The following KLF7 variants were observed in gnomAD, a reference collection of about 807,000 sequenced individuals.
The protein encoded by KLF7 is Krueppel-like factor 7.
A neutral mutation model predicts 27.3 loss-of-function variants in KLF7; 2 were observed. The observed-to-expected ratio is 0.07, with a 90% CI of 0.03 to 0.23. KLF7 has a LOEUF of 0.23. Among genes scored for constraint, KLF7 ranks in the 10% least tolerant of loss-of-function variants. The probability of loss-of-function intolerance (pLI) is 1.00; values close to 1 mark genes in which losing one functional copy is unlikely to be tolerated. For synonymous variants in KLF7, 165 were observed against 162.4 expected, an observed-to-expected ratio of 1.02 and a Z score of -0.12; for missense variants, 221 against 394.1, an observed-to-expected ratio of 0.56 and a Z score of 3.72.
At chr2:207,094,439 ACT>A (rs2076580368) in intron 2 of KLF7, among the ~76,000 whole-genome samples, 1 of 152,256 alleles carries the variant, frequency 6.6e-6, no homozygotes, top group African/African-American at 2.4e-5. Flanking sequence ...GAATTTGGAA[ACT>A]CTGCAGATCA....
At chr2:207,081,417 A>G (rs2287507) in intron 3 of KLF7, among the ~76,000 whole-genome samples, 153 bp from the exon 4 acceptor site, 87,678 of 152,086 alleles carry the variant, frequency 0.58, 26,196 homozygotes, top group Non-Finnish European at 0.65. Flanking sequence ...AGTTTAAGGG[A>G]CAAAATGTTT....
At chr2:207,084,133 G>A (rs7598034) in intron 3 of KLF7, among the ~76,000 whole-genome samples, 12,735 of 152,154 alleles carry the variant, frequency 0.084, 651 homozygotes, top group Non-Finnish European at 0.11. Context: ...AGGTTAGGCT[G>A]GTCAGGCCTG....
chr2:207,118,476 G>A (rs1467031793), intron 2 of KLF7, among the ~76,000 whole-genome samples: 4 of 152,112 alleles, frequency 2.6e-5, no homozygotes, highest in Non-Finnish European at 5.9e-5. Flanking sequence ...TAAACTATAC[G>A]TCTTTAATTT....
rs148474252 is a variant in KLF7, at chr2:207,159,949, C to A, written c.102+5518G>T. ...GCCAATTAGCAGGAACTAATCTGGGCAAGGTGGGGCACAGCAAAATCACAA... is the reference window on the plus strand; with the variant it reads ...GCCAATTAGCAGGAACTAATCTGGGAAAGGTGGGGCACAGCAAAATCACAA... On this transcript the variant is annotated intron_variant, in intron 1 of 3. Coordinates refer to ENST00000309446, the MANE Select transcript of KLF7 (RefSeq NM_003709.4). Among the ~76,000 whole-genome samples, 506 of 152,070 alleles carry A rather than the reference C, an allele frequency of 3.3e-3. 7 individuals are homozygous for A. In the South Asian group the frequency reaches 0.046, roughly 14 times the overall value.
intron 2 of KLF7, among the ~76,000 whole-genome samples, chr2:207,111,349 G>A (rs2077032203): frequency 1.3e-5 from 2 of 152,200 alleles, no homozygotes; most frequent in Non-Finnish European, 2.9e-5. Flanking sequence ...AGTGCGCACA[G>A]GCCACATAAG....
upstream of KLF7, among the ~76,000 whole-genome samples, chr2:207,170,328 A>G (rs2078776416): frequency 6.6e-6 from 1 of 152,214 alleles, no homozygotes; most frequent in African/African-American, 2.4e-5. Context: ...GAAGTTGCAG[A>G]AGAAAAGTTG....
rs1321242743 is a variant in KLF7 at position 207,075,221 on chromosome 2, C to T, written c.*5992G>A. On this transcript the variant is annotated 3_prime_UTR_variant, in exon 4 of 4. Coordinates refer to ENST00000309446, the MANE Select transcript of KLF7 (RefSeq NM_003709.4). ...AAAGAATTATGAAACAGACCAGTAA[C>T]AAAAATAAATTTTTTCTTCATTAAT... is the stretch of plus-strand genomic sequence containing the variant. The T allele has an allele frequency of 2.0e-5, 3 of 151,780 alleles. No homozygotes were observed. Among genetic ancestry groups the T allele is most frequent in the African/African-American group, 4.8e-5 (2 of 41,320 alleles). 9.4% of individuals were successfully genotyped at this position (151,780 alleles called of 1,614,324 possible). A position where few individuals can be genotyped will look rare whatever the true frequency, so the allele number is the denominator to read the frequency against.
chr2:207,130,533 T>C (rs1054173971), intron 1 of KLF7, among the ~76,000 whole-genome samples: 10 of 152,192 alleles, frequency 6.6e-5, no homozygotes, highest in African/African-American at 1.9e-4. Flanking sequence ...GTCTAAGTGT[T>C]TGAAGTGATG....
At chr2:207,121,414 A>G (rs2077337518) in intron 2 of KLF7, 2 of 152,176 alleles carry the variant, frequency 1.3e-5, no homozygotes, top group Admixed American at 1.3e-4. Flanking sequence ...TCTATCAGGT[A>G]TTTGTTTTAT....
chr2:207,127,229 G>A (rs527630622), intron 1 of KLF7, among the ~76,000 whole-genome samples: 1 of 152,014 alleles, frequency 6.6e-6, no homozygotes, highest in Non-Finnish European at 1.5e-5. Flanking sequence ...CCTAATACAG[G>A]GCATTTTTAC....
chr2:207,167,805 T>C (rs1323974061), upstream of KLF7, among the ~76,000 whole-genome samples: 1 of 152,186 alleles, frequency 6.6e-6, no homozygotes, highest in African/African-American at 2.4e-5. Context: ...GGGATCCGCG[T>C]TGTCTAGTTG....
intron 2 of KLF7, among the ~76,000 whole-genome samples, chr2:207,108,218 CT>C (rs1284861053): frequency 6.6e-6 from 1 of 152,196 alleles, no homozygotes; most frequent in African/African-American, 2.4e-5. Context: ...AAAACAAAAA[CT>C]TTAACATCTA....
intron 1 of KLF7, among the ~76,000 whole-genome samples, chr2:207,153,697 T>C (rs2078308183): frequency 6.6e-6 from 1 of 151,238 alleles, no homozygotes; most frequent in Admixed American, 6.6e-5. Context: ...TAGTGGAAAA[T>C]CTTTGCAGGA....
At chr2:207,139,018 T>A (rs1440273537) in intron 1 of KLF7, among the ~76,000 whole-genome samples, 2 of 152,192 alleles carry the variant, frequency 1.3e-5, no homozygotes, top group African/African-American at 4.8e-5. Context: ...AACAACTATG[T>A]GAATGAGAGG....
chr2:207,166,138 C>T, upstream of KLF7: 1 of 984,682 alleles, frequency 1.0e-6, no homozygotes, highest in Middle Eastern at 5.2e-4. Flanking sequence ...CCGTTCGGTT[C>T]TCCGCGCAGC....
chr2:207,085,116 C>T (rs1049632882), intron 3 of KLF7, among the ~76,000 whole-genome samples: 6 of 135,630 alleles, frequency 4.4e-5, no homozygotes, highest in Non-Finnish European at 9.2e-5. Context: ...GAGCCGAGAT[C>T]GCACCACTGC....
chr2:207,149,220 A>G, intron 1 of KLF7: 3 of 1,214,482 alleles, frequency 2.5e-6, no homozygotes, highest in Non-Finnish European at 3.3e-6. Context: ...AAAAATTAAA[A>G]ATCTGTTAAA....
upstream of KLF7, among the ~76,000 whole-genome samples, chr2:207,170,021 A>G (rs1177155853): frequency 6.6e-6 from 1 of 152,154 alleles, no homozygotes; most frequent in Admixed American, 6.5e-5. Flanking sequence ...CAAAATCTAG[A>G]CATAAGCTTA....
In KLF7 at chr2:207,098,833, C is replaced by T. The variant is rs185575198; in HGVS notation, c.734-10252G>A. On this transcript the variant is annotated intron_variant, in intron 2 of 3. Coordinates refer to ENST00000309446, the MANE Select transcript of KLF7 (RefSeq NM_003709.4). ...CGATGCCTCCCAATGCTGCACAGGC[C>T]GGTCTTGAACTCCTGGCCTGAAGTG... Among the ~76,000 whole-genome samples the T allele has an allele frequency of 3.2e-3, 455 of 141,180 alleles. 1 individual carries two copies. The highest frequency in any genetic ancestry group is 0.012 in the African/African-American group (427 of 36,344). 92.6% of individuals were successfully genotyped at this position (141,180 alleles called of 152,430 possible).
Sources: allele counts gnomAD v4.1 joint callset (sites outside exome capture counted in the v4.1 genomes callset), GRCh38; gene constraint gnomAD v4.1.1; transcripts MANE v1.5; gene names NCBI Gene and HGNC (gene_info 2026-07-23, HGNC 2026-07-21).